Variants in CHIC1 observed in about 807,000 individuals in gnomAD.
The protein encoded by CHIC1 is cysteine rich hydrophobic domain 1.
Under a neutral mutation model 18.5 loss-of-function variants are expected in CHIC1, and 7 were observed. That is an observed-to-expected ratio of 0.38 (90% CI 0.22 to 0.71). CHIC1 has a LOEUF of 0.71. Ranked by LOEUF, CHIC1 falls within the 30% of genes least tolerant of loss-of-function variation. The pLI, the probability that CHIC1 is intolerant of heterozygous loss-of-function variation, is 0.49. For missense variants in CHIC1, 159 were observed against 176.9 expected (o/e 0.90, Z 0.57); for synonymous variants, 77 against 73.5 (o/e 1.05, Z -0.25).
chrX:73,619,513 A>G (rs1238429608), intron 3 of CHIC1, among the ~76,000 whole-genome samples: 1 of 110,261 alleles, frequency 9.1e-6, no homozygotes. Context: ...GATTTTCCCT[A>G]CTGCTGTTCT....
chrX:73,568,388 T>A (rs1382371111), intron 1 of CHIC1, among the ~76,000 whole-genome samples: 1 of 111,829 alleles, frequency 8.9e-6, no homozygotes, highest in Non-Finnish European at 1.9e-5. Context: ...GAGATGATGA[T>A]CATAAATGGA....
At chrX:73,674,598 A>T (rs1331619334) in intron 3 of CHIC1, among the ~76,000 whole-genome samples, 3 of 110,838 alleles carry the variant, frequency 2.7e-5, no homozygotes, top group Non-Finnish European at 5.7e-5. Flanking sequence ...ATCATTTTTT[A>T]TTGCATCTGT....
chrX:73,629,927 T>A (rs1361437991), intron 3 of CHIC1, among the ~76,000 whole-genome samples: 2 of 112,164 alleles, frequency 1.8e-5, no homozygotes, highest in East Asian at 5.6e-4. Flanking sequence ...AGTCCATGAA[T>A]GAGATATCTT....
chrX:73,674,708 G>C (rs1194445613), intron 3 of CHIC1, among the ~76,000 whole-genome samples: 5 of 111,233 alleles, frequency 4.5e-5, no homozygotes, highest in African/African-American at 1.3e-4. Context: ...TGATTTTTTT[G>C]AAGGGTTTTT....
intron 3 of CHIC1, among the ~76,000 whole-genome samples, chrX:73,648,626 A>G (rs2057900838): frequency 8.9e-6 from 1 of 111,800 alleles, no homozygotes; most frequent in Non-Finnish European, 1.9e-5. Flanking sequence ...CAGAATTTGA[A>G]GACCATCTTG....
chrX:73,584,985 T>C (rs68189501), intron 3 of CHIC1, among the ~76,000 whole-genome samples: 5,320 of 111,398 alleles, frequency 0.048, 322 homozygotes, highest in African/African-American at 0.16. Flanking sequence ...TTTAAACATG[T>C]TACAATAACA....
At chrX:73,596,650 A>G (rs1294767798) in intron 3 of CHIC1, among the ~76,000 whole-genome samples, 1 of 111,392 alleles carries the variant, frequency 9.0e-6, no homozygotes, top group African/African-American at 3.3e-5. Context: ...TCAGTAACCA[A>G]AGCAGTTTGG....
At chrX:73,620,901 T>C (rs940484618) in intron 3 of CHIC1, among the ~76,000 whole-genome samples, 1 of 111,867 alleles carries the variant, frequency 8.9e-6, no homozygotes, top group Non-Finnish European at 1.9e-5. Context: ...GGGGTCCAGT[T>C]TCAGTTTTCT....
chrX:73,677,341 C>G (rs1245589435), intron 3 of CHIC1, among the ~76,000 whole-genome samples: 1 of 112,287 alleles, frequency 8.9e-6, no homozygotes, highest in Non-Finnish European at 1.9e-5. Flanking sequence ...GTGGAGCCCA[C>G]AGAGGCAGGC....
intron 3 of CHIC1, among the ~76,000 whole-genome samples, chrX:73,597,300 T>A (rs1002938879): frequency 9.0e-6 from 1 of 111,436 alleles, no homozygotes; most frequent in African/African-American, 3.3e-5. Context: ...TGAAGAGATG[T>A]CTGTTTACAT....
chrX:73,670,607 T>A (rs2058025482), intron 3 of CHIC1, among the ~76,000 whole-genome samples: 5 of 111,151 alleles, frequency 4.5e-5, no homozygotes, highest in Admixed American at 3.8e-4. Context: ...CTTATATTTC[T>A]TTCTATCTCA....
At chrX:73,643,411 G>C (rs1204477009) in intron 3 of CHIC1, among the ~76,000 whole-genome samples, 1 of 109,836 alleles carries the variant, frequency 9.1e-6, no homozygotes, top group Non-Finnish European at 1.9e-5. Context: ...CTGAATGTTA[G>C]CCTGCCTTGC....
At chrX:73,665,679 A>G (rs2058001179) in intron 3 of CHIC1, among the ~76,000 whole-genome samples, 1 of 110,862 alleles carries the variant, frequency 9.0e-6, no homozygotes, top group Admixed American at 9.6e-5. Context: ...TTCCATTGCG[A>G]CCCATTGCAG....
intron 3 of CHIC1, among the ~76,000 whole-genome samples, chrX:73,663,265 C>T (rs967196676): frequency 3.6e-5 from 4 of 110,979 alleles, no homozygotes; most frequent in South Asian, 3.9e-4. Flanking sequence ...TCTATGTGGC[C>T]GGCTTTTAAT....
At chrX:73,669,204 A>T (rs1238349974) in intron 3 of CHIC1, among the ~76,000 whole-genome samples, 1 of 110,434 alleles carries the variant, frequency 9.1e-6, no homozygotes, top group African/African-American at 3.3e-5. Flanking sequence ...CAACCAACCC[A>T]AGTGGTGGCT....
chrX:73,596,191 A>T (rs1452341749), intron 3 of CHIC1, among the ~76,000 whole-genome samples: 4 of 111,747 alleles, frequency 3.6e-5, no homozygotes, highest in African/African-American at 1.3e-4. Flanking sequence ...TCAGGATACA[A>T]AATCAATGTG....
At chrX:73,670,649 T>G (rs993501093) in intron 3 of CHIC1, among the ~76,000 whole-genome samples, 3 of 111,436 alleles carry the variant, frequency 2.7e-5, no homozygotes, top group Admixed American at 9.6e-5. Flanking sequence ...TGTTTTGATG[T>G]AGGCATTTAT....
chrX:73,634,782 C>T (rs866634639), intron 3 of CHIC1, among the ~76,000 whole-genome samples: 5 of 111,478 alleles, frequency 4.5e-5, no homozygotes, highest in Non-Finnish European at 9.4e-5. Flanking sequence ...CCTCCTGGGC[C>T]ATATCCTGCA....
intron 3 of CHIC1, among the ~76,000 whole-genome samples, chrX:73,605,620 G>A (rs772467888): frequency 4.6e-5 from 5 of 108,641 alleles, no homozygotes; most frequent in Admixed American, 9.7e-5. Context: ...TGTTTTTGCA[G>A]TAGCTGTTAC....
Sources: allele counts gnomAD v4.1 joint callset (sites outside exome capture counted in the v4.1 genomes callset), GRCh38; gene constraint gnomAD v4.1.1; transcripts MANE v1.5; gene names NCBI Gene and HGNC (gene_info 2026-07-23, HGNC 2026-07-21).